The following FGF13 variants were observed in gnomAD, a reference collection of about 807,000 sequenced individuals.
The protein encoded by FGF13 is fibroblast growth factor homologous factor 2.
A neutral mutation model predicts 19.5 loss-of-function variants in FGF13; 2 were observed. That is an observed-to-expected ratio of 0.10 (90% confidence interval 0.04 to 0.32). The LOEUF is 0.32. FGF13 is among the 10% of genes least tolerant of loss of function. The pLI, the probability that FGF13 is intolerant of heterozygous loss-of-function variation, is 1.00. For missense variants in FGF13, 113 were observed against 192.7 expected (o/e 0.59, Z 2.45); for synonymous variants, 72 against 76.9 (o/e 0.94, Z 0.33).
intron 1 of FGF13, among the ~76,000 whole-genome samples, chrX:139,106,050 A>G (rs2124461141): frequency 8.9e-6 from 1 of 112,423 alleles, no homozygotes; most frequent in African/African-American, 3.2e-5. Flanking sequence ...TTCCAGAGAT[A>G]GAGTGACACT....
chrX:138,898,742 C>G (rs999967223), intron 1 of FGF13, among the ~76,000 whole-genome samples: 5 of 111,766 alleles, frequency 4.5e-5, no homozygotes, highest in Non-Finnish European at 7.5e-5. Flanking sequence ...CTTTTAACAT[C>G]TTCATAAAAT....
chrX:138,830,687 TTG>T (rs144759178), intron 3 of FGF13, among the ~76,000 whole-genome samples: 5,427 of 87,354 alleles, frequency 0.062, 242 homozygotes, highest in African/African-American at 0.13. Context: ...AAAGGGGTGT[TTG>T]TGTGTGTGTG....
intron 1 of FGF13, among the ~76,000 whole-genome samples, chrX:138,936,534 A>G (rs1365287814): frequency 1.8e-5 from 2 of 112,299 alleles, no homozygotes; most frequent in East Asian, 2.8e-4. Context: ...ATTACTTGTT[A>G]GCATATCAGT....
intron 3 of FGF13, among the ~76,000 whole-genome samples, chrX:138,637,966 C>T (rs1319812501): frequency 1.8e-5 from 2 of 111,612 alleles, no homozygotes; most frequent in African/African-American, 6.5e-5. Context: ...ATCCACCATC[C>T]TGGCAGTTGC....
At chrX:138,881,442 G>A (rs1057224607) in intron 1 of FGF13, among the ~76,000 whole-genome samples, 3 of 111,776 alleles carry the variant, frequency 2.7e-5, no homozygotes, top group Non-Finnish European at 3.8e-5. Context: ...ATTAGGAAGT[G>A]TTCCCTTCTC....
At chrX:138,823,014 A>T (rs1243117091) in intron 3 of FGF13, among the ~76,000 whole-genome samples, 1 of 111,523 alleles carries the variant, frequency 9.0e-6, no homozygotes, top group African/African-American at 3.3e-5. Context: ...CATATCAGAG[A>T]ACATCATTCG....
chrX:138,822,255 T>C (rs2091004351), intron 3 of FGF13, among the ~76,000 whole-genome samples: 1 of 112,095 alleles, frequency 8.9e-6, no homozygotes, highest in Non-Finnish European at 1.9e-5. Flanking sequence ...TTGTTGCACA[T>C]AGTAATGCTA....
chrX:138,984,678 G>GAGAAGA (rs376057802), intron 1 of FGF13, among the ~76,000 whole-genome samples: 1 of 66,595 alleles, frequency 1.5e-5, no homozygotes, highest in Non-Finnish European at 2.7e-5. Flanking sequence ...GAAGGTGAAG[G>GAGAAGA]AGAAGAAGAA....
intron 1 of FGF13, among the ~76,000 whole-genome samples, chrX:139,042,578 A>AC (rs1012239163): frequency 1.2e-4 from 13 of 112,001 alleles, no homozygotes; most frequent in African/African-American, 4.2e-4. Context: ...ATGTAAAAAA[A>AC]ATTTGATTTT....
chrX:139,128,165 T>C (rs1435779865), intron 1 of FGF13, among the ~76,000 whole-genome samples: 1 of 110,258 alleles, frequency 9.1e-6, no homozygotes, highest in African/African-American at 3.3e-5. Flanking sequence ...GGACTCTAGT[T>C]CTCATTACCG....
At chrX:138,827,220 T>C (rs781581719) in intron 3 of FGF13, among the ~76,000 whole-genome samples, 1 of 111,918 alleles carries the variant, frequency 8.9e-6, no homozygotes, top group Non-Finnish European at 1.9e-5. Context: ...ATCCCAGTGA[T>C]TGCAACTTCA....
At chrX:138,803,613 T>G (rs1458422024) in intron 3 of FGF13, among the ~76,000 whole-genome samples, 1 of 112,292 alleles carries the variant, frequency 8.9e-6, no homozygotes, top group Non-Finnish European at 1.9e-5. Context: ...GAATCTATAT[T>G]AGAGGCCAAG....
At chrX:138,749,251 G>A (rs2090378348) in intron 3 of FGF13, among the ~76,000 whole-genome samples, 1 of 107,912 alleles carries the variant, frequency 9.3e-6, no homozygotes, top group Admixed American at 1.0e-4. Context: ...GAAGAGAGTA[G>A]CTGCTCTAGA....
chrX:139,132,695 T>C lies in FGF13; in HGVS notation c.-113+70721A>G, dbSNP rs755719974. On this transcript the variant is annotated intron_variant, in intron 1 of 2. Coordinates refer to the FGF13 transcript ENST00000421460. ...ATATTTTCATTTTAAGATTCTAATCTTGACTATGGGAATTCTTCCAAAGGA... is the reference window on the plus strand; with the variant it reads ...ATATTTTCATTTTAAGATTCTAATCCTGACTATGGGAATTCTTCCAAAGGA... Among the ~76,000 whole-genome samples, 137 of 112,543 alleles carry C rather than the reference T, an allele frequency of 1.2e-3. 1 individual carries two copies. The highest frequency in any genetic ancestry group is 4.1e-3 in the African/African-American group (128 of 31,049).
At chrX:138,755,043 G>C (rs1239906067) in intron 3 of FGF13, among the ~76,000 whole-genome samples, 1 of 111,748 alleles carries the variant, frequency 8.9e-6, no homozygotes, top group Non-Finnish European at 1.9e-5. Context: ...TATGTGCTGA[G>C]CCCAACAAGT....
Position 138,975,066 on chromosome X carries a change from G to A in FGF13, c.-112-110416C>T, listed in dbSNP as rs141058864. On this transcript the variant is annotated intron_variant, in intron 1 of 2. Transcript: ENST00000421460. ...TGATGGTTGTGCTCAGGGACTGACT[G>A]ACAAACTTCATCCTTCTGTGCCATT... Among the ~76,000 whole-genome samples, 553 of 112,734 alleles carry A rather than the reference G, an allele frequency of 4.9e-3. 5 individuals are homozygous for A. Among genetic ancestry groups the A allele is most frequent in the African/African-American group, 0.017 (536 of 31,076 alleles).
Position 138,826,424 on chromosome X carries a change from T to C in FGF13, c.217+31088A>G, listed in dbSNP as rs368409420. On this transcript the variant is annotated intron_variant, in intron 3 of 6. Transcript: ENST00000436198. ...TCATTTATAATTTTCAAACAAAATC[T>C]ATCCAAAGTGAAACCAAATTATGAT... Among the ~76,000 whole-genome samples the C allele has an allele frequency of 1.1e-4, 12 of 112,435 alleles. No homozygotes were observed. The South Asian group carries it at 4.4e-3, about 42-fold the overall frequency.
chrX:138,984,588 A>AAGAAGAAGGAGGAGG (rs2091982501), intron 1 of FGF13, among the ~76,000 whole-genome samples: 3 of 11,515 alleles, frequency 2.6e-4, no homozygotes, highest in East Asian at 2.5e-3. Flanking sequence ...GAAGAAGAAG[A>AAGAAGAAGGAGGAGG]AGGAGGAGGA....
chrX:139,022,044 G>A lies in FGF13; in HGVS notation c.-112-157394C>T, dbSNP rs1177077401. The stretch of plus-strand genomic sequence containing the variant: ...AGAGAATTCTTTGATAAAATTTCTA[G>A]AGAAAGTATCACTTGGAATGGTTGA... On this transcript the variant is annotated intron_variant, in intron 1 of 2. Transcript: ENST00000421460. Among the ~76,000 whole-genome samples the A allele has an allele frequency of 4.5e-5, 5 of 111,565 alleles. No individual in the cohort carries two copies. The East Asian group carries it at 1.1e-3, about 25-fold the overall frequency.
Sources: gnomAD v4.1 joint callset for allele counts (sites outside exome capture counted in the v4.1 genomes callset) on GRCh38, gnomAD v4.1.1 for gene constraint, MANE v1.5 for transcripts, NCBI Gene and HGNC (gene_info 2026-07-23, HGNC 2026-07-21) for gene names.